Variants in ABCA12 observed in about 807,000 individuals in gnomAD.
ABCA12 encodes glucosylceramide transporter ABCA12.
Under a neutral mutation model 293.5 loss-of-function variants are expected in ABCA12, and 156 were observed. That is an observed-to-expected ratio of 0.53 (90% CI 0.47 to 0.61). The LOEUF (loss-of-function observed/expected upper bound fraction) is 0.61. Among genes scored for constraint, ABCA12 ranks in the 20% least tolerant of loss-of-function variants. The pLI, the probability that ABCA12 is intolerant of heterozygous loss-of-function variation, is 0.00. For synonymous variants in ABCA12, 1,063 were observed against 1,108.0 expected (o/e 0.96, Z 0.81); for missense variants, 2,797 against 3,090.2 (o/e 0.91, Z 2.25).
intron 51 of ABCA12, among the ~76,000 whole-genome samples, chr2:214,937,204 T>C (rs1476048314): frequency 6.6e-6 from 1 of 152,112 alleles, no homozygotes; most frequent in East Asian, 1.9e-4. Flanking sequence ...TTTTTGTTTT[T>C]GTTTTTGTTT....
chr2:215,045,812 A>G, intron 7 of ABCA12, 25 bp downstream of exon 7: 1 of 1,600,786 alleles, frequency 6.2e-7, no homozygotes, highest in Non-Finnish European at 8.6e-7. Context: ...CACTAATATT[A>G]CATTTAATTC....
At chr2:215,120,398 G>A (rs1395237966) in intron 1 of ABCA12, among the ~76,000 whole-genome samples, 2 of 151,786 alleles carry the variant, frequency 1.3e-5, no homozygotes, top group African/African-American at 2.4e-5. Flanking sequence ...AATAAAATTT[G>A]AAAAAAATAA....
At chr2:215,052,035 G>A (rs112832972) in intron 5 of ABCA12, among the ~76,000 whole-genome samples, 1,621 of 152,182 alleles carry the variant, frequency 0.011, 19 homozygotes, top group African/African-American at 0.037. Context: ...CAGAGAAATC[G>A]ATAAGTAAGC....
intron 9 of ABCA12, among the ~76,000 whole-genome samples, chr2:215,031,277 A>C (rs1313958159): frequency 6.6e-6 from 1 of 152,250 alleles, no homozygotes; most frequent in African/African-American, 2.4e-5. Context: ...TTGTTTAAGC[A>C]TAAAAAATAT....
chr2:215,017,230 A>C (rs1700524642), intron 14 of ABCA12, among the ~76,000 whole-genome samples: 1 of 152,248 alleles, frequency 6.6e-6, no homozygotes, highest in Admixed American at 6.5e-5. Context: ...ACTCTGTCAC[A>C]CATAAGGTTT....
intron 45 of ABCA12, among the ~76,000 whole-genome samples, chr2:214,949,375 T>TAC (rs1186183654): frequency 0.017 from 2,466 of 148,286 alleles, 19 homozygotes; most frequent in African/African-American, 0.03. Flanking sequence ...TATATATATA[T>TAC]ATACACACAC....
At chr2:214,937,741 T>A in intron 50 of ABCA12, 126 bp from the exon 51 acceptor site, 1 of 701,280 alleles carries the variant, frequency 1.4e-6, no homozygotes, top group Non-Finnish European at 2.5e-6. Flanking sequence ...ATGAAGACTA[T>A]CATTTTGCCA....
intron 23 of ABCA12, among the ~76,000 whole-genome samples, chr2:214,991,990 C>G (rs578211602): frequency 6.6e-6 from 1 of 151,896 alleles, no homozygotes; most frequent in Non-Finnish European, 1.5e-5. Flanking sequence ...ATGTGACAAA[C>G]CTACACGCTG....
chr2:215,049,416 T>C (rs1046224123), intron 6 of ABCA12, among the ~76,000 whole-genome samples: 1 of 152,190 alleles, frequency 6.6e-6, no homozygotes, highest in African/African-American at 2.4e-5. Context: ...CATAATGTAA[T>C]ATTTTTGGTT....
intron 7 of ABCA12, among the ~76,000 whole-genome samples, chr2:215,044,813 G>T (rs1701168552): frequency 6.6e-6 from 1 of 152,004 alleles, no homozygotes; most frequent in Non-Finnish European, 1.5e-5. Context: ...TCAATACAAG[G>T]GCTTATTATA....
rs1278778412 is a variant in ABCA12 at position 214,983,986 on chromosome 2, CTA to C, written c.4164-123_4164-122del. On this transcript the variant is annotated intron_variant, in intron 28 of 52. Transcript: ENST00000272895. ...GTGTATCTTCTCAGTCAAGGGCAAA[CTA>C]TGAAATAAAATGGTATTTAATGGGA... 4.0e-6 allele frequency: 3 copies of C among 754,546 alleles called. No individual in the cohort carries two copies. The African/African-American group carries it at 5.4e-5, about 14-fold the overall frequency. 46.7% of individuals were successfully genotyped at this position (754,546 alleles called of 1,614,324 possible).
At chr2:215,088,219 A>G (rs921064617) in intron 2 of ABCA12, among the ~76,000 whole-genome samples, 2 of 152,226 alleles carry the variant, frequency 1.3e-5, no homozygotes, top group Non-Finnish European at 2.9e-5. Context: ...GATAGACTGA[A>G]GGAGCTAAAA....
chr2:214,970,517 A>G (rs1699364257), intron 36 of ABCA12, 117 bp from the exon 37 acceptor site: 4 of 1,160,746 alleles, frequency 3.4e-6, no homozygotes, highest in South Asian at 2.7e-5. Context: ...GTAGAGTGTG[A>G]TAAGACTGTC....
chr2:215,064,101 A>G lies in ABCA12; in HGVS notation c.282T>C (p.Arg94=). The G allele has an allele frequency of 1.2e-6, 2 of 1,612,880 alleles. No individual in the cohort carries two copies. The highest frequency in any genetic ancestry group is 1.3e-5 in the African/African-American group (1 of 74,908). ...DTPYGPQDLL[R]RKGIDDALFK... ...ATAGTGCATCATCAATTCCTTTCCTACGAAGCAGATCTTGTGGGCCATAGG... is the reference window on the plus strand; with the variant it reads ...ATAGTGCATCATCAATTCCTTTCCTGCGAAGCAGATCTTGTGGGCCATAGG... The change falls in exon 3 of 53, where the codon CGT becomes CGC. Residue 94 remains arginine, a synonymous_variant. Coordinates refer to ENST00000272895, the MANE Select transcript of ABCA12 (RefSeq NM_173076.3).
At chr2:215,028,347 C>T (rs941817554) in intron 9 of ABCA12, among the ~76,000 whole-genome samples, 2 of 152,230 alleles carry the variant, frequency 1.3e-5, no homozygotes, top group African/African-American at 4.8e-5. Flanking sequence ...AAGTCTCTAA[C>T]TTGGCAGTCA....
chr2:214,989,185 T>TACATATATATATATATATATATAC (rs1343481697), intron 26 of ABCA12, 144 bp downstream of exon 26: 1 of 106,006 alleles, frequency 9.4e-6, no homozygotes, highest in African/African-American at 3.6e-5. Flanking sequence ...TCTCAATACA[T>TACATATATATATATATATATATAC]ACATATATAT....
chr2:215,004,396 A>G, intron 19 of ABCA12, 97 bp from the exon 20 acceptor site: 1 of 845,512 alleles, frequency 1.2e-6, no homozygotes, highest in Non-Finnish European at 1.9e-6. Context: ...AGTAACCACA[A>G]CTGGGCATTA....
intron 14 of ABCA12, among the ~76,000 whole-genome samples, chr2:215,016,164 G>A (rs1425049476): frequency 6.6e-6 from 1 of 151,522 alleles, no homozygotes; most frequent in African/African-American, 2.4e-5. Context: ...GAAAAAAGAT[G>A]GGGAAAAAAG....
rs779139548 is a variant in ABCA12 at position 215,064,231 on chromosome 2, A to C, written c.164-12T>G. The C allele has an allele frequency of 5.9e-5, 95 of 1,611,974 alleles. No homozygotes were observed. The highest frequency in any genetic ancestry group is 8.0e-5 in the Non-Finnish European group (94 of 1,178,730). On this transcript the variant is annotated splice_polypyrimidine_tract_variant and intron_variant, in intron 2 of 52. Transcript: ENST00000272895. ...AGGTGCGAGGTAACCTAAAATTAAAAAAACAGTCATTACATCAGTATGGCA... is the reference window on the plus strand; with the variant it reads ...AGGTGCGAGGTAACCTAAAATTAAACAAACAGTCATTACATCAGTATGGCA...
Sources: allele counts gnomAD v4.1 joint callset (sites outside exome capture counted in the v4.1 genomes callset), GRCh38; gene constraint gnomAD v4.1.1; transcripts MANE v1.5; gene names NCBI Gene and HGNC (gene_info 2026-07-23, HGNC 2026-07-21).